Variants in XPR1 observed in about 807,000 individuals in gnomAD.
XPR1 encodes the protein solute carrier family 53 member 1.
In XPR1, 28 loss-of-function variants were observed where a neutral mutation model predicts 87.5. That is an observed-to-expected ratio of 0.32 (90% confidence interval 0.24 to 0.44). The LOEUF is 0.44. Among genes scored for constraint, XPR1 ranks in the 20% least tolerant of loss-of-function variants. The probability of loss-of-function intolerance (pLI) is 1.00; values close to 1 mark genes in which losing one functional copy is unlikely to be tolerated. For synonymous variants in XPR1, 300 were observed against 306.1 expected (o/e 0.98, Z 0.21); for missense variants, 559 against 862.3 (o/e 0.65, Z 4.41).
intron 3 of XPR1, among the ~76,000 whole-genome samples, chr1:180,800,905 A>G (rs1649755725): frequency 6.6e-6 from 1 of 152,148 alleles, no homozygotes; most frequent in Non-Finnish European, 1.5e-5. Flanking sequence ...GGTAAGAGGT[A>G]GTGACTCTCT....
chr1:180,753,971 C>G (rs921907890), intron 2 of XPR1, among the ~76,000 whole-genome samples: 1 of 152,184 alleles, frequency 6.6e-6, no homozygotes, highest in Non-Finnish European at 1.5e-5. Flanking sequence ...ACCTTCTGCT[C>G]TTACATCTTT....
At chr1:180,766,873 C>T (rs1034719786) in intron 2 of XPR1, among the ~76,000 whole-genome samples, 3 of 152,094 alleles carry the variant, frequency 2.0e-5, no homozygotes, top group African/African-American at 7.2e-5. Context: ...CTCCATTTGA[C>T]AAAAGTTTTA....
At chr1:180,632,921 CTT>C (rs1410329877) in intron 1 of XPR1, among the ~76,000 whole-genome samples, 3 of 152,196 alleles carry the variant, frequency 2.0e-5, no homozygotes, top group African/African-American at 7.2e-5. Flanking sequence ...TAATAAGACT[CTT>C]TTTACTGATT....
intron 6 of XPR1, among the ~76,000 whole-genome samples, chr1:180,810,913 G>A (rs1370806992): frequency 4.6e-5 from 7 of 151,922 alleles, no homozygotes; most frequent in Non-Finnish European, 1.0e-4. Context: ...GGATGCTCAA[G>A]TCCCTTATAA....
chr1:180,795,358 T>C (rs1439749217), intron 3 of XPR1, among the ~76,000 whole-genome samples: 2 of 152,176 alleles, frequency 1.3e-5, no homozygotes, highest in African/African-American at 4.8e-5. Flanking sequence ...TGAATGGTTA[T>C]TGGAAATTTT....
At chr1:180,708,545 A>C (rs549479792) in intron 2 of XPR1, among the ~76,000 whole-genome samples, 2 of 152,096 alleles carry the variant, frequency 1.3e-5, no homozygotes, top group African/African-American at 2.4e-5. Context: ...TGGAAGATTT[A>C]GTTCTAAAAT....
chr1:180,866,027 G>A (rs1652377922), intron 12 of XPR1, among the ~76,000 whole-genome samples: 1 of 151,952 alleles, frequency 6.6e-6, no homozygotes, highest in African/African-American at 2.4e-5. Flanking sequence ...ATCATAGTGT[G>A]AGACACTGAC....
intron 2 of XPR1, among the ~76,000 whole-genome samples, chr1:180,696,208 G>GTGTATATATATATATA (rs1241189679): frequency 1.1e-5 from 1 of 88,592 alleles, no homozygotes; most frequent in East Asian, 4.4e-4. Context: ...GTGTGTGTGT[G>GTGTATATATATATATA]TATATATATA....
intron 9 of XPR1, among the ~76,000 whole-genome samples, chr1:180,830,399 A>G (rs1001796621): frequency 1.9e-4 from 29 of 152,176 alleles, no homozygotes; most frequent in Non-Finnish European, 3.7e-4. Context: ...TGTCCCACAG[A>G]CACCTGGTCT....
chr1:180,654,909 TC>T (rs1318385632), intron 1 of XPR1, among the ~76,000 whole-genome samples: 1 of 152,178 alleles, frequency 6.6e-6, no homozygotes, highest in African/African-American at 2.4e-5. Flanking sequence ...CTATCTGAGA[TC>T]CTGGTTTCAG....
chr1:180,764,354 A>C (rs1648184528), intron 2 of XPR1, among the ~76,000 whole-genome samples: 1 of 152,174 alleles, frequency 6.6e-6, no homozygotes. Flanking sequence ...AAATATTCCA[A>C]AATCCAAAAA....
At position 180,696,200 on chromosome 1, in the gene XPR1, G is replaced by GTATA. The variant is rs1371214062; in HGVS notation, c.121+13790_121+13791insATAT. Among the ~76,000 whole-genome samples the GTATA allele has an allele frequency of 3.2e-3, 351 of 109,868 alleles. 1 individual carries two copies. Among genetic ancestry groups the GTATA allele is most frequent in the Admixed American group, 4.1e-3 (45 of 11,108 alleles). The allele number at this position is 109,868 out of a possible 152,430, so 72.1% of individuals were successfully genotyped here. On this transcript the variant is annotated intron_variant, in intron 2 of 14. Transcript: ENST00000367590. ...TGTGTGTGTGTGTGTGTGTGTGTGT[G>GTATA]TGTGTGTGTATATATATATATATAT...
At position 180,850,541 on chromosome 1, in the gene XPR1, A is replaced by G. The variant is rs552302390; in HGVS notation, c.1502-13167A>G. ...ACTCCAATCTTATTTCCATTTTTAAATGACTATAATTTTAGCTTATGTTTA... is the reference window on the plus strand; with the variant it reads ...ACTCCAATCTTATTTCCATTTTTAAGTGACTATAATTTTAGCTTATGTTTA... On this transcript the variant is annotated intron_variant, in intron 11 of 14. Coordinates refer to ENST00000367590, the MANE Select transcript of XPR1 (RefSeq NM_004736.4). 4.6e-5 allele frequency among the ~76,000 whole-genome samples: 7 copies of G among 152,262 alleles called. No homozygotes were observed. In the East Asian group the frequency reaches 7.7e-4, roughly 17 times the overall value.
At chr1:180,715,189 A>C (rs1436938141) in intron 2 of XPR1, among the ~76,000 whole-genome samples, 2 of 152,212 alleles carry the variant, frequency 1.3e-5, no homozygotes, top group African/African-American at 4.8e-5. Context: ...AATCTGATGA[A>C]AATATTAATG....
At chr1:180,720,667 C>T (rs942195825) in intron 2 of XPR1, among the ~76,000 whole-genome samples, 6 of 152,054 alleles carry the variant, frequency 3.9e-5, no homozygotes, top group Admixed American at 3.9e-4. Context: ...TGGACCTCAC[C>T]CCAGATCTAC....
At chr1:180,823,994 T>C (rs1650731525) in intron 7 of XPR1, among the ~76,000 whole-genome samples, 1 of 152,242 alleles carries the variant, frequency 6.6e-6, no homozygotes, top group African/African-American at 2.4e-5. Flanking sequence ...TACTTTCATG[T>C]GTACTGTTCC....
intron 2 of XPR1, among the ~76,000 whole-genome samples, chr1:180,764,824 C>T (rs1169832319): frequency 3.0e-5 from 4 of 135,084 alleles, no homozygotes; most frequent in Non-Finnish European, 4.6e-5. Flanking sequence ...CTTGCTCTGT[C>T]GCCTAGGCTG....
chr1:180,646,204 C>T (rs1215175984), intron 1 of XPR1, among the ~76,000 whole-genome samples: 1 of 152,180 alleles, frequency 6.6e-6, no homozygotes, highest in Non-Finnish European at 1.5e-5. Flanking sequence ...ACACATGCCA[C>T]CTTTTGAACT....
Position 180,876,986 on chromosome 1 carries a change from A to T in XPR1, c.1808+3044A>T, listed in dbSNP as rs1652685254. On this transcript the variant is annotated intron_variant, in intron 13 of 14. Coordinates refer to ENST00000367590, the MANE Select transcript of XPR1 (RefSeq NM_004736.4). ...AGAAAATTCAAAATAGTTTACAAAT[A>T]ATTAGATCTAATGTCACAGTTCTGA... Among the ~76,000 whole-genome samples, 3 of 152,242 alleles carry T rather than the reference A, an allele frequency of 2.0e-5. No individual in the cohort carries two copies. In the South Asian group the frequency reaches 6.2e-4, roughly 32 times the overall value.
Sources: gnomAD v4.1 joint callset for allele counts (sites outside exome capture counted in the v4.1 genomes callset) on GRCh38, gnomAD v4.1.1 for gene constraint, MANE v1.5 for transcripts, NCBI Gene and HGNC (gene_info 2026-07-23, HGNC 2026-07-21) for gene names.